The following ITSN2 variants were observed in gnomAD, a reference collection of about 807,000 sequenced individuals.
The protein encoded by ITSN2 is intersectin-2.
Under a neutral mutation model 243.7 loss-of-function variants are expected in ITSN2, and 156 were observed. The observed-to-expected ratio is 0.64, with a 90% CI of 0.56 to 0.73. The LOEUF (loss-of-function observed/expected upper bound fraction) is 0.73, where lower values mean the gene tolerates loss of function less well. ITSN2 is among the 30% of genes least tolerant of loss of function. The probability of loss-of-function intolerance (pLI) is 0.00; values close to 1 mark genes in which losing one functional copy is unlikely to be tolerated. For synonymous variants in ITSN2, 703 were observed against 699.9 expected (o/e 1.00, Z -0.07); for missense variants, 1,801 against 1,996.1 (o/e 0.90, Z 1.86).
intron 21 of ITSN2, 40 bp downstream of exon 21, chr2:24,261,521 T>TGCAGC (rs1448189062): frequency 1.4e-6 from 2 of 1,447,852 alleles, no homozygotes; most frequent in African/African-American, 2.8e-5. Flanking sequence ...TTTACACATT[T>TGCAGC]GCAGATCTAT....
chr2:24,270,544 G>A, intron 20 of ITSN2, 127 bp downstream of exon 20: 1 of 593,424 alleles, frequency 1.7e-6, no homozygotes, highest in Admixed American at 3.2e-5. Flanking sequence ...AAGTCCAAAT[G>A]AGGTAATGTT....
At chr2:24,314,629 A>G (rs1422130846) in intron 3 of ITSN2, among the ~76,000 whole-genome samples, 2 of 152,242 alleles carry the variant, frequency 1.3e-5, no homozygotes, top group East Asian at 3.8e-4. Context: ...GCACTAAGCT[A>G]CTTTGGCACA....
At chr2:24,346,353 T>C (rs1244419262) in intron 1 of ITSN2, among the ~76,000 whole-genome samples, 1 of 152,210 alleles carries the variant, frequency 6.6e-6, no homozygotes, top group Non-Finnish European at 1.5e-5. Flanking sequence ...AATCATCAAA[T>C]TCCAATATAC....
chr2:24,229,707 ATATT>A (rs1216371999), intron 29 of ITSN2, among the ~76,000 whole-genome samples: 2 of 152,226 alleles, frequency 1.3e-5, no homozygotes, highest in Non-Finnish European at 2.9e-5. Context: ...TTATTTTCAG[ATATT>A]TCACTTTAAA....
chr2:24,307,427 G>A (rs890725218), intron 8 of ITSN2, among the ~76,000 whole-genome samples: 2 of 151,804 alleles, frequency 1.3e-5, no homozygotes, highest in African/African-American at 4.8e-5. Flanking sequence ...TCTTAGTTAT[G>A]TAATATGAAA....
Position 24,203,762 on chromosome 2 carries a change from A to AT in ITSN2, c.4957dup (p.Ile1653AsnfsTer24). On this transcript the variant is annotated frameshift_variant, in exon 40 of 40. Coordinates refer to ENST00000355123, the MANE Select transcript of ITSN2 (RefSeq NM_006277.3). LOFTEE classifies it high-confidence loss of function. ...TTCTGTTCGAATTTTTGCCACTGGA[A>AT]TTTCAGTACGACCCAGGAAATCTGG... 2 of 1,614,040 alleles carry AT rather than the reference A, an allele frequency of 1.2e-6. No homozygotes were observed. The highest frequency in any genetic ancestry group is 1.7e-6 in the Non-Finnish European group (2 of 1,179,946).
chr2:24,346,799 C>T (rs1250730035), intron 1 of ITSN2, among the ~76,000 whole-genome samples: 3 of 151,544 alleles, frequency 2.0e-5, no homozygotes, highest in African/African-American at 7.3e-5. Context: ...AAATATGTGC[C>T]TCTAATTTTG....
chr2:24,288,974 G>A (rs1679896860), intron 15 of ITSN2, among the ~76,000 whole-genome samples: 1 of 152,082 alleles, frequency 6.6e-6, no homozygotes, highest in Admixed American at 6.6e-5. Context: ...GGTTCATGTT[G>A]TCCCTATGTC....
intron 1 of ITSN2, among the ~76,000 whole-genome samples, chr2:24,336,420 C>T (rs1686387645): frequency 6.6e-6 from 1 of 152,124 alleles, no homozygotes. Flanking sequence ...AGAAAATCTT[C>T]CACTGATTAC....
At chr2:24,330,236 G>A (rs1240071187) in intron 1 of ITSN2, among the ~76,000 whole-genome samples, 4 of 152,192 alleles carry the variant, frequency 2.6e-5, no homozygotes, top group Admixed American at 6.5e-5. Context: ...CAAATCATCT[G>A]TCTAGAACCA....
chr2:24,327,011 T>A (rs1558634118), intron 2 of ITSN2, among the ~76,000 whole-genome samples: 3 of 152,134 alleles, frequency 2.0e-5, no homozygotes, highest in Admixed American at 6.5e-5. Context: ...ATTACTGTTT[T>A]CAATTTAAAT....
At chr2:24,256,517 G>C (rs915220074) in intron 23 of ITSN2, among the ~76,000 whole-genome samples, 2 of 152,114 alleles carry the variant, frequency 1.3e-5, no homozygotes, top group Admixed American at 1.3e-4. Flanking sequence ...ACAAGAGACA[G>C]TTACCCATAG....
rs758762533 is a variant in ITSN2, at chr2:24,204,224, C to G, written c.4936+21G>C. The G allele has an allele frequency of 1.2e-6, 2 of 1,612,804 alleles. No individual in the cohort carries two copies. Among genetic ancestry groups the G allele is most frequent in the Non-Finnish European group, 1.7e-6 (2 of 1,179,638 alleles). The stretch of plus-strand genomic sequence containing the variant: ...AGGAAACTGGGAAAGCCTTTAGATC[C>G]CCTGGCTGAGCGACACTTACCATCT... On this transcript the variant is annotated intron_variant, in intron 39 of 39. Coordinates refer to ENST00000355123, the MANE Select transcript of ITSN2 (RefSeq NM_006277.3). This position sits in a 1 kb window ranked among gnomAD's most constrained non-coding sequence, Gnocchi z 5.1.
At chr2:24,348,969 A>G (rs917742081) in intron 1 of ITSN2, among the ~76,000 whole-genome samples, 1 of 152,168 alleles carries the variant, frequency 6.6e-6, no homozygotes, top group Non-Finnish European at 1.5e-5. Flanking sequence ...GCAAACATAA[A>G]ATAATAATAA....
chr2:24,296,703 C>T (rs986435395), intron 13 of ITSN2, among the ~76,000 whole-genome samples: 1 of 152,192 alleles, frequency 6.6e-6, no homozygotes, highest in African/African-American at 2.4e-5. Flanking sequence ...AAATTAATTT[C>T]TGTTGTTTAA....
chr2:24,334,329 G>C (rs1335071437), intron 1 of ITSN2, among the ~76,000 whole-genome samples: 2 of 152,146 alleles, frequency 1.3e-5, no homozygotes, highest in Non-Finnish European at 1.5e-5. Context: ...AAAGTGTTGC[G>C]ATTACAGGCA....
At chr2:24,243,413 T>C (rs979693633) in intron 29 of ITSN2, among the ~76,000 whole-genome samples, 2 of 152,272 alleles carry the variant, frequency 1.3e-5, no homozygotes, top group East Asian at 1.9e-4. Flanking sequence ...CTGAAACACA[T>C]AGGAGCTATA....
rs1410280692 is a variant in ITSN2 at position 24,220,989 on chromosome 2, G to C, written c.3655C>G (p.Gln1219Glu). 1.2e-6 allele frequency: 2 copies of C among 1,609,838 alleles called. No individual in the cohort carries two copies. The highest frequency in any genetic ancestry group is 4.5e-5 in the East Asian group (2 of 44,464). The change falls in exon 30 of 40, where the codon CAG becomes GAG. Residue 1219 changes from glutamine (Q) to glutamate (E), a missense_variant. By Grantham distance (29) the Gln-to-Glu change is conservative (BLOSUM62 2). Coordinates refer to ENST00000355123, the MANE Select transcript of ITSN2 (RefSeq NM_006277.3). Reference protein sequence around the residue: ...KRQGYIHELIQTEERYMADLQ... With the variant: ...KRQGYIHELIETEERYMADLQ... ...TCAGCCATGTACCGCTCTTCGGTCT[G>C]AATCAGCTCATGAATATAGCCCTGT...
At chr2:24,339,111 T>A (rs1049567880) in intron 1 of ITSN2, among the ~76,000 whole-genome samples, 1 of 152,098 alleles carries the variant, frequency 6.6e-6, no homozygotes, top group Admixed American at 6.6e-5. Context: ...CAAGAGCCAG[T>A]GTAACACCAA....
Sources: gnomAD v4.1 joint callset for allele counts (sites outside exome capture counted in the v4.1 genomes callset) on GRCh38, gnomAD v4.1.1 for gene constraint, Gnocchi (gnomAD v3.1) non-coding constraint, MANE v1.5 for transcripts, NCBI Gene and HGNC (gene_info 2026-07-23, HGNC 2026-07-21) for gene names.